GMEB1: variants seen among roughly 807,000 people sequenced by gnomAD.
GMEB1 encodes glucocorticoid modulatory element binding protein 1, also known as glucocorticoid modulatory element-binding protein 1.
GMEB1 carries 6 observed loss-of-function variants against 52.4 expected under a neutral mutation model. The observed-to-expected ratio is 0.11, with a 90% CI of 0.06 to 0.23. GMEB1 has a LOEUF of 0.23. GMEB1 is among the 10% of genes least tolerant of loss of function. The pLI, the probability that GMEB1 is intolerant of heterozygous loss-of-function variation, is 1.00. For missense variants in GMEB1, 486 were observed against 685.6 expected (o/e 0.71, Z 3.25); for synonymous variants, 255 against 244.9 (o/e 1.04, Z -0.38).
At chr1:28,674,747 C>T (rs2124451578) in intron 1 of GMEB1, among the ~76,000 whole-genome samples, 1 of 93,638 alleles carries the variant, frequency 1.1e-5, no homozygotes, top group South Asian at 4.1e-4. Context: ...GAGACGGAGT[C>T]TCGCTCTGTC....
chr1:28,691,771 T>G, intron 4 of GMEB1, 62 bp downstream of exon 4: 1 of 715,586 alleles, frequency 1.4e-6, no homozygotes, highest in Non-Finnish European at 2.1e-6. Context: ...GGGTGTGAGT[T>G]CCATGCATCC....
At chr1:28,695,564 A>C (rs989109799) in intron 5 of GMEB1, among the ~76,000 whole-genome samples, 8 of 151,836 alleles carry the variant, frequency 5.3e-5, no homozygotes, top group Middle Eastern at 6.8e-3. Flanking sequence ...ACACAGAAAC[A>C]TTATTTGTGT....
intron 1 of GMEB1, among the ~76,000 whole-genome samples, chr1:28,678,927 T>C (rs1156978604): frequency 6.6e-6 from 1 of 152,014 alleles, no homozygotes. Flanking sequence ...GTTTTGTTTT[T>C]TTGAGACGGA....
chr1:28,689,149 A>G (rs1669835113), intron 2 of GMEB1, among the ~76,000 whole-genome samples: 1 of 151,680 alleles, frequency 6.6e-6, no homozygotes, highest in Admixed American at 6.6e-5. Flanking sequence ...TGTCCTTCCA[A>G]AGTGCTGGGA....
At chr1:28,711,710 C>T (rs1671069813) in intron 9 of GMEB1, among the ~76,000 whole-genome samples, 1 of 152,174 alleles carries the variant, frequency 6.6e-6, no homozygotes, top group Admixed American at 6.6e-5. Flanking sequence ...CCACCTCAGC[C>T]TCCCAAAGTG....
At chr1:28,669,773 G>A (rs548485491) in intron 1 of GMEB1, among the ~76,000 whole-genome samples, 1 of 152,290 alleles carries the variant, frequency 6.6e-6, no homozygotes, top group Admixed American at 6.5e-5. Context: ...TTTGAGAGAA[G>A]CAGAGATCGT....
rs577018963 is a variant in GMEB1, at chr1:28,691,531, T to G, written c.212-54T>G. 8 of 1,357,822 alleles carry G rather than the reference T, an allele frequency of 5.9e-6. No homozygotes were observed. The East Asian group carries it at 2.2e-4, about 37-fold the overall frequency. 84.1% of individuals were successfully genotyped at this position (1,357,822 alleles called of 1,614,324 possible). ...ACCAGGAGACTAGAGATTTTGAATT[T>G]CAGCTTTGGGGAAGAGTTGTTTGAT... On this transcript the variant is annotated intron_variant, in intron 3 of 9. Transcript: ENST00000373816.
At chr1:28,706,157 AAAATAAATAAAT>A (rs144208028) in intron 8 of GMEB1, among the ~76,000 whole-genome samples, 4 of 150,116 alleles carry the variant, frequency 2.7e-5, no homozygotes, top group Admixed American at 2.0e-4. Context: ...CTCCATCTCA[AAAATAAATAAAT>A]AAATAAATAA....
chr1:28,679,106 A>C (rs1335684855), intron 1 of GMEB1, among the ~76,000 whole-genome samples: 1 of 150,768 alleles, frequency 6.6e-6, no homozygotes, highest in South Asian at 2.1e-4. Context: ...GGATGGTCTC[A>C]ATCTCTTGAT....
chr1:28,691,661 C>T lies in GMEB1; in HGVS notation c.288C>T (p.Leu96=). Residue 96 remains leucine, a synonymous_variant, in exon 4 of 10, where the codon CTC becomes CTT. Transcript: ENST00000373816. ...PITCGESKAI[L]LWKKFVCPGI... The stretch of plus-strand genomic sequence containing the variant: ...CTTGTGGGGAGAGCAAAGCCATCCT[C>T]CTCTGGAAGAAGTTTGTATGTCCAG... 6.3e-7 allele frequency: 1 copy of T among 1,581,154 alleles called. No homozygotes were observed. The highest frequency in any genetic ancestry group is 8.6e-7 in the Non-Finnish European group (1 of 1,157,986).
chr1:28,693,318 A>G lies in GMEB1; in HGVS notation c.440+273A>G, dbSNP rs556301433. ...ACTGCAACCTCCGCCTCCCGGGTTCAAGCAGTTCTCTGCCTCAGCCTCCCG... is the reference window on the plus strand; with the variant it reads ...ACTGCAACCTCCGCCTCCCGGGTTCGAGCAGTTCTCTGCCTCAGCCTCCCG... On this transcript the variant is annotated intron_variant, in intron 5 of 9. Transcript: ENST00000373816. Among the ~76,000 whole-genome samples, 12 of 151,354 alleles carry G rather than the reference A, an allele frequency of 7.9e-5. No homozygotes were observed. The East Asian group carries it at 1.9e-3, about 24-fold the overall frequency.
chr1:28,703,181 A>G (rs1670597554), intron 7 of GMEB1, among the ~76,000 whole-genome samples: 1 of 152,186 alleles, frequency 6.6e-6, no homozygotes, highest in African/African-American at 2.4e-5. Context: ...TTTCTTAGAT[A>G]GACTAAGTTT....
At position 28,716,015 on chromosome 1, in the gene GMEB1, C is replaced by A. The variant is rs1671263508; in HGVS notation, c.*1242C>A. 2 of 152,270 alleles carry A rather than the reference C, an allele frequency of 1.3e-5. No homozygotes were observed. The highest frequency in any genetic ancestry group is 6.5e-5 in the Admixed American group (1 of 15,276). 9.4% of individuals were successfully genotyped at this position (152,270 alleles called of 1,614,324 possible). Reference sequence around the variant, plus strand: ...TTGGGAGGCTGAGGCAGGAGAATTGCTTGAACCTGGGAGGCGGAGGTTGCA... The same window carrying A: ...TTGGGAGGCTGAGGCAGGAGAATTGATTGAACCTGGGAGGCGGAGGTTGCA... On this transcript the variant is annotated 3_prime_UTR_variant, in exon 10 of 10. Coordinates refer to ENST00000373816, the MANE Select transcript of GMEB1 (RefSeq NM_001319674.2).
At chr1:28,709,880 G>A (rs751925319) in intron 8 of GMEB1, among the ~76,000 whole-genome samples, 2 of 152,142 alleles carry the variant, frequency 1.3e-5, no homozygotes, top group Non-Finnish European at 2.9e-5. Flanking sequence ...CGGGCGCGGT[G>A]GCTTGTGCCT....
intron 9 of GMEB1, among the ~76,000 whole-genome samples, chr1:28,712,418 G>A (rs1671097128): frequency 6.6e-6 from 1 of 152,156 alleles, no homozygotes; most frequent in Admixed American, 6.6e-5. Context: ...GAGGTTCGGG[G>A]GGAGGGCTGA....
intron 1 of GMEB1, among the ~76,000 whole-genome samples, chr1:28,672,876 C>T (rs1202178486): frequency 6.7e-6 from 1 of 150,248 alleles, no homozygotes; most frequent in Non-Finnish European, 1.5e-5. Context: ...AGTACTGGGA[C>T]TACAGGCACA....
rs566655741 is a variant in GMEB1, at chr1:28,715,245, C to G, written c.*472C>G. 1 of 155,884 alleles carries G rather than the reference C, an allele frequency of 6.4e-6. No individual in the cohort carries two copies. The highest frequency in any genetic ancestry group is 1.9e-4 in the South Asian group (1 of 5,130). 9.7% of individuals were successfully genotyped at this position (155,884 alleles called of 1,614,324 possible). On this transcript the variant is annotated 3_prime_UTR_variant, in exon 10 of 10. Transcript: ENST00000373816. ...CCTACAGAGGCCAGTACAAAACTCT[C>G]AAACAAAAGGAAGTTGACTCTGCTT... is the stretch of plus-strand genomic sequence containing the variant.
chr1:28,676,491 G>A (rs759171467), intron 1 of GMEB1, among the ~76,000 whole-genome samples: 3 of 152,158 alleles, frequency 2.0e-5, no homozygotes, highest in Non-Finnish European at 4.4e-5. Context: ...ACTTTGGGAG[G>A]CCAAGGTGGG....
intron 2 of GMEB1, 94 bp downstream of exon 2, chr1:28,683,834 A>G: frequency 1.7e-6 from 2 of 1,165,242 alleles, no homozygotes; most frequent in East Asian, 2.4e-5. Flanking sequence ...ACAATGGAAC[A>G]TTTAACATCA....
Sources: gnomAD v4.1 joint callset for allele counts (sites outside exome capture counted in the v4.1 genomes callset) on GRCh38, gnomAD v4.1.1 for gene constraint, MANE v1.5 for transcripts, NCBI Gene and HGNC (gene_info 2026-07-23, HGNC 2026-07-21) for gene names.